The following SLC35F4 variants were observed in gnomAD, a reference collection of about 807,000 sequenced individuals.
SLC35F4 encodes chromosome 14 open reading frame 36.
Under a neutral mutation model 44.2 loss-of-function variants are expected in SLC35F4, and 24 were observed. The observed-to-expected ratio is 0.54, with a 90% CI of 0.39 to 0.76. SLC35F4 has a LOEUF of 0.76. Among genes scored for constraint, SLC35F4 ranks in the 30% least tolerant of loss-of-function variants. The pLI, the probability that SLC35F4 is intolerant of heterozygous loss-of-function variation, is 0.00. For missense variants in SLC35F4, 562 were observed against 586.1 expected, an observed-to-expected ratio of 0.96 and a Z score of 0.42; for synonymous variants, 238 against 223.6, an observed-to-expected ratio of 1.06 and a Z score of -0.57.
upstream of SLC35F4, among the ~76,000 whole-genome samples, chr14:57,869,201 T>G (rs1888244360): frequency 6.6e-6 from 1 of 150,814 alleles, no homozygotes; most frequent in South Asian, 2.1e-4. Flanking sequence ...GTTGTGGTTT[T>G]TTTTTTTTTT....
intron 6 of SLC35F4, among the ~76,000 whole-genome samples, chr14:57,567,049 G>A (rs966252518): frequency 1.1e-4 from 16 of 152,202 alleles, no homozygotes; most frequent in Non-Finnish European, 2.1e-4. Context: ...TCAGCATCAT[G>A]TGGGCAAACA....
intron 1 of SLC35F4, among the ~76,000 whole-genome samples, chr14:57,743,353 G>A (rs1390027192): frequency 6.6e-6 from 1 of 152,078 alleles, no homozygotes; most frequent in East Asian, 1.9e-4. Context: ...AGAAAAGAGA[G>A]AAGAATCAAA....
At chr14:57,565,704 T>G (rs915717574) in intron 7 of SLC35F4, among the ~76,000 whole-genome samples, 1 of 151,686 alleles carries the variant, frequency 6.6e-6, no homozygotes, top group Non-Finnish European at 1.5e-5. Context: ...TTCTGTAGAG[T>G]TCCAAGTTGT....
At chr14:57,740,274 A>T (rs2076572196) in intron 1 of SLC35F4, among the ~76,000 whole-genome samples, 1 of 152,238 alleles carries the variant, frequency 6.6e-6, no homozygotes, top group Admixed American at 6.5e-5. Flanking sequence ...CAAATCTATG[A>T]TAATTTGTCA....
At chr14:57,912,099 G>A (rs1889227202) in intron 1 of SLC35F4, among the ~76,000 whole-genome samples, 1 of 151,814 alleles carries the variant, frequency 6.6e-6, no homozygotes, top group African/African-American at 2.4e-5. Flanking sequence ...TAATGTTTAT[G>A]AGGTTGTAGC....
intron 1 of SLC35F4, among the ~76,000 whole-genome samples, chr14:57,819,376 CTAAT>C (rs1381614956): frequency 1.6e-4 from 24 of 152,018 alleles, no homozygotes; most frequent in African/African-American, 3.6e-4. Flanking sequence ...GGAGAATCTC[CTAAT>C]TAATTCATTA....
chr14:57,683,550 T>A (rs2074972117), intron 1 of SLC35F4, among the ~76,000 whole-genome samples: 1 of 152,142 alleles, frequency 6.6e-6, no homozygotes, highest in Non-Finnish European at 1.5e-5. Context: ...ATATACCAGG[T>A]TGCAGAACTT....
chr14:57,743,731 C>T (rs190151520), intron 1 of SLC35F4, among the ~76,000 whole-genome samples: 226 of 152,216 alleles, frequency 1.5e-3, no homozygotes, highest in Middle Eastern at 0.01. Context: ...TTTATGAGGC[C>T]AGCATCATCC....
intron 1 of SLC35F4, among the ~76,000 whole-genome samples, chr14:57,831,725 C>T (rs1884391368): frequency 6.6e-6 from 1 of 152,102 alleles, no homozygotes; most frequent in Admixed American, 6.6e-5. Context: ...CCTTGAGAGA[C>T]CAGAGCATAT....
At chr14:57,862,737 T>A (rs1887789637) in intron 1 of SLC35F4, among the ~76,000 whole-genome samples, 1 of 152,266 alleles carries the variant, frequency 6.6e-6, no homozygotes, top group Non-Finnish European at 1.5e-5. Flanking sequence ...TGAGCCTATT[T>A]AAAATTGTGA....
At chr14:57,951,078 T>C (rs369395533) in intron 1 of SLC35F4, among the ~76,000 whole-genome samples, 1 of 152,208 alleles carries the variant, frequency 6.6e-6, no homozygotes, top group African/African-American at 2.4e-5. Context: ...AGGAGGGTGA[T>C]TTCTGCATTT....
At chr14:57,833,498 C>T (rs1368335516) in intron 1 of SLC35F4, among the ~76,000 whole-genome samples, 1 of 152,190 alleles carries the variant, frequency 6.6e-6, no homozygotes, top group Non-Finnish European at 1.5e-5. Context: ...CCCAGAATGA[C>T]TGACTCAGAA....
chr14:57,845,429 T>G (rs1237292363), intron 1 of SLC35F4, among the ~76,000 whole-genome samples: 5 of 152,222 alleles, frequency 3.3e-5, no homozygotes, highest in Non-Finnish European at 7.4e-5. Context: ...TGCATACAAC[T>G]GTCGGAGAGA....
chr14:57,780,686 T>C (rs1233046804), intron 1 of SLC35F4, among the ~76,000 whole-genome samples: 3 of 152,154 alleles, frequency 2.0e-5, no homozygotes, highest in Non-Finnish European at 4.4e-5. Context: ...CTTGAAACTA[T>C]GTTACAGGAT....
At chr14:57,693,802 CCTAA>C (rs1467495138) in intron 1 of SLC35F4, among the ~76,000 whole-genome samples, 2 of 152,050 alleles carry the variant, frequency 1.3e-5, no homozygotes, top group African/African-American at 2.4e-5. Context: ...CAATTTGTCC[CCTAA>C]CTTTTTTTTT....
chr14:57,838,153 CAATGTTTCAT>C (rs1339219765), intron 1 of SLC35F4, among the ~76,000 whole-genome samples: 1 of 152,076 alleles, frequency 6.6e-6, no homozygotes, highest in Non-Finnish European at 1.5e-5. Context: ...AGATACAAAG[CAATGTTTCAT>C]AATAAAGGTT....
At chr14:57,846,571 A>G (rs1244902632) in intron 1 of SLC35F4, among the ~76,000 whole-genome samples, 1 of 152,234 alleles carries the variant, frequency 6.6e-6, no homozygotes, top group Non-Finnish European at 1.5e-5. Context: ...GAGAGTCTTT[A>G]GTGAATTTTT....
intron 1 of SLC35F4, among the ~76,000 whole-genome samples, chr14:57,682,473 A>G (rs564451831): frequency 6.6e-6 from 1 of 152,234 alleles, no homozygotes; most frequent in South Asian, 2.1e-4. Flanking sequence ...GGAGCGGAAC[A>G]TCACACACCT....
chr14:57,879,365 T>A (rs1190282111), intron 1 of SLC35F4, among the ~76,000 whole-genome samples: 4 of 152,008 alleles, frequency 2.6e-5, no homozygotes, highest in Non-Finnish European at 4.4e-5. Context: ...AACAACTTAA[T>A]CCTTCTGCCC....
Sources: allele counts gnomAD v4.1 joint callset (sites outside exome capture counted in the v4.1 genomes callset), GRCh38; gene constraint gnomAD v4.1.1; transcripts MANE v1.5; gene names NCBI Gene and HGNC (gene_info 2026-07-23, HGNC 2026-07-21).